KIZ: variants seen among roughly 807,000 people sequenced by gnomAD.
KIZ encodes centrosomal protein kizuna.
Under a neutral mutation model 79.6 loss-of-function variants are expected in KIZ, and 68 were observed. The ratio of observed to expected loss-of-function variants is 0.85; its 90% CI spans 0.70 to 1.05. KIZ has a LOEUF of 1.05. KIZ is among the 50% of genes least tolerant of loss of function. KIZ has a pLI of 0.00. For missense variants in KIZ, 797 were observed against 800.4 expected, an observed-to-expected ratio of 1.00 and a Z score of 0.05; for synonymous variants, 280 against 281.8, an observed-to-expected ratio of 0.99 and a Z score of 0.06.
intron 6 of KIZ, among the ~76,000 whole-genome samples, chr20:21,180,304 T>C (rs1413766911): frequency 1.3e-5 from 2 of 152,024 alleles, no homozygotes; most frequent in Non-Finnish European, 1.5e-5. Flanking sequence ...ATGACAACTC[T>C]TTTCCTAGAA....
rs544184794 is a variant in KIZ, at chr20:21,178,535, A to G, written c.1352+15376A>G. ...TATCATGTCATCTGCAACAGGGACA[A>G]TTTTACTTGGATTTGAATAGCTTTT... On this transcript the variant is annotated intron_variant, in intron 6 of 12. Coordinates refer to ENST00000619189, the MANE Select transcript of KIZ (RefSeq NM_018474.6). 3.2e-4 allele frequency among the ~76,000 whole-genome samples: 48 copies of G among 151,492 alleles called. No individual in the cohort carries two copies. In the South Asian group the frequency reaches 6.0e-3, roughly 19 times the overall value.
chr20:21,225,309 G>A (rs1488813751), intron 9 of KIZ, among the ~76,000 whole-genome samples: 2 of 152,220 alleles, frequency 1.3e-5, no homozygotes, highest in Non-Finnish European at 2.9e-5. Context: ...GTTTCTGTGT[G>A]TATCAGAACA....
At chr20:21,137,538 A>G (rs2122390012) in intron 3 of KIZ, among the ~76,000 whole-genome samples, 1 of 151,080 alleles carries the variant, frequency 6.6e-6, no homozygotes, top group African/African-American at 2.4e-5. Context: ...TCAAATACAC[A>G]GAAGAGTTAG....
At chr20:21,161,052 TG>T (rs2033630180) in intron 4 of KIZ, 1 of 152,246 alleles carries the variant, frequency 6.6e-6, no homozygotes, top group Admixed American at 6.5e-5. Flanking sequence ...GATATCTTAT[TG>T]TGCTTTTGAA....
chr20:21,220,825 G>A (rs2036479435), intron 9 of KIZ, among the ~76,000 whole-genome samples: 1 of 152,216 alleles, frequency 6.6e-6, no homozygotes, highest in Non-Finnish European at 1.5e-5. Context: ...GCATCAGGAT[G>A]TCCGGATCAA....
At chr20:21,129,186 A>G (rs1245116837) in intron 1 of KIZ, among the ~76,000 whole-genome samples, 3 of 152,170 alleles carry the variant, frequency 2.0e-5, no homozygotes, top group Admixed American at 2.0e-4. Context: ...GAGGGGCTAG[A>G]AAATAGGCCT....
chr20:21,161,302 C>T (rs544902389), intron 4 of KIZ, among the ~76,000 whole-genome samples: 18 of 152,212 alleles, frequency 1.2e-4, no homozygotes, highest in African/African-American at 4.1e-4. Flanking sequence ...TTCCTGATGA[C>T]GTCTTTTCAA....
At chr20:21,167,559 C>CTTTTTT (rs11445129) in intron 6 of KIZ, among the ~76,000 whole-genome samples, 4 of 111,782 alleles carry the variant, frequency 3.6e-5, no homozygotes, top group Non-Finnish European at 3.5e-5. Context: ...GTTTGTTTCG[C>CTTTTTT]TTTTTTTTTT....
At position 21,219,225 on chromosome 20, in the gene KIZ, A is replaced by G. The variant is rs537540938; in HGVS notation, c.1678+3577A>G. 2.2e-5 allele frequency among the ~76,000 whole-genome samples: 3 copies of G among 134,456 alleles called. No individual in the cohort carries two copies. The South Asian group carries it at 6.8e-4, about 31-fold the overall frequency. The allele number at this position is 134,456 out of a possible 152,430, so 88.2% of individuals were successfully genotyped here. On this transcript the variant is annotated intron_variant, in intron 9 of 12. Coordinates refer to ENST00000619189, the MANE Select transcript of KIZ (RefSeq NM_018474.6). ...CTTAATTATAGAGCGTAGCTCAGTA[A>G]CAAAACAACTTTCTAGCTCTTCATT...
chr20:21,176,578 A>G (rs1021117692), intron 6 of KIZ, among the ~76,000 whole-genome samples: 1 of 152,104 alleles, frequency 6.6e-6, no homozygotes, highest in African/African-American at 2.4e-5. Flanking sequence ...GCAAAAAAAA[A>G]AAAAAAATAC....
At chr20:21,127,697 A>G (rs992390514) in intron 1 of KIZ, among the ~76,000 whole-genome samples, 11 of 152,232 alleles carry the variant, frequency 7.2e-5, no homozygotes, top group African/African-American at 2.4e-4. Context: ...CACTGGACAC[A>G]GTTATAGAGG....
At chr20:21,134,234 ATCTC>A (rs1201616436) in intron 2 of KIZ, among the ~76,000 whole-genome samples, 1 of 152,170 alleles carries the variant, frequency 6.6e-6, no homozygotes, top group East Asian at 1.9e-4. Flanking sequence ...CATTATCACC[ATCTC>A]TCTCCAGCCT....
chr20:21,158,906 G>T (rs946236923), intron 4 of KIZ, among the ~76,000 whole-genome samples: 4 of 152,056 alleles, frequency 2.6e-5, no homozygotes, highest in African/African-American at 9.7e-5. Flanking sequence ...CAGTTCTCCT[G>T]CCTCAGTCTC....
At chr20:21,237,251 G>A (rs1053670924) in intron 11 of KIZ, among the ~76,000 whole-genome samples, 25 of 144,552 alleles carry the variant, frequency 1.7e-4, no homozygotes, top group Admixed American at 2.8e-4. Flanking sequence ...GCAGTGCATC[G>A]AGATCGTGCC....
rs576781837 is a variant in KIZ at position 21,146,379 on chromosome 20, G to A, written c.405+725G>A. ...TCCATTATTCAGAAAAGCCAACAGC[G>A]TGCTTGTTCCTTAGGCTGCAGCATT... On this transcript the variant is annotated intron_variant, in intron 4 of 12. Coordinates refer to ENST00000619189, the MANE Select transcript of KIZ (RefSeq NM_018474.6). 5.3e-5 allele frequency among the ~76,000 whole-genome samples: 8 copies of A among 152,288 alleles called. No homozygotes were observed. In the South Asian group the frequency reaches 1.2e-3, roughly 24 times the overall value.
At chr20:21,157,351 A>G (rs1433348083) in intron 4 of KIZ, among the ~76,000 whole-genome samples, 1 of 152,176 alleles carries the variant, frequency 6.6e-6, no homozygotes, top group African/African-American at 2.4e-5. Flanking sequence ...TGTACTTATT[A>G]ATTAGTATAT....
At chr20:21,190,882 T>C (rs945371983) in intron 6 of KIZ, among the ~76,000 whole-genome samples, 1 of 152,192 alleles carries the variant, frequency 6.6e-6, no homozygotes, top group Non-Finnish European at 1.5e-5. Flanking sequence ...ATAGATGAAA[T>C]TGTCTTTTCA....
intron 4 of KIZ, among the ~76,000 whole-genome samples, chr20:21,160,126 T>C (rs2033586022): frequency 6.6e-6 from 1 of 152,226 alleles, no homozygotes; most frequent in African/African-American, 2.4e-5. Flanking sequence ...CCTGACACAG[T>C]TGGCAGTTCC....
chr20:21,131,516 CAG>C (rs2031841664), intron 1 of KIZ, among the ~76,000 whole-genome samples: 1 of 152,182 alleles, frequency 6.6e-6, no homozygotes, highest in African/African-American at 2.4e-5. Flanking sequence ...TGGTTGAAAA[CAG>C]AGCAAGCCAC....
Sources: gnomAD v4.1 joint callset for allele counts (sites outside exome capture counted in the v4.1 genomes callset) on GRCh38, gnomAD v4.1.1 for gene constraint, MANE v1.5 for transcripts, NCBI Gene and HGNC (gene_info 2026-07-23, HGNC 2026-07-21) for gene names.